CNTN4: variants seen among roughly 807,000 people sequenced by gnomAD.
The protein encoded by CNTN4 is contactin-4.
CNTN4 carries 77 observed loss-of-function variants against 122.5 expected under a neutral mutation model. That is an observed-to-expected ratio of 0.63 (90% CI 0.52 to 0.76). CNTN4 has a LOEUF of 0.76. Ranked by LOEUF, CNTN4 falls within the 30% of genes least tolerant of loss-of-function variation. The pLI is 0.00. For missense variants in CNTN4, 1,256 were observed against 1,259.1 expected, an observed-to-expected ratio of 1.00 and a Z score of 0.04; for synonymous variants, 512 against 447.0, an observed-to-expected ratio of 1.15 and a Z score of -1.83.
intron 3 of CNTN4, among the ~76,000 whole-genome samples, chr3:2,340,706 T>TAGAG (rs1176854234): frequency 5.0e-4 from 12 of 24,072 alleles, no homozygotes; most frequent in African/African-American, 9.6e-4. Flanking sequence ...TATATATATA[T>TAGAG]ATATAGAGAG....
intron 3 of CNTN4, among the ~76,000 whole-genome samples, chr3:2,557,668 G>T (rs1312385766): frequency 6.6e-6 from 1 of 151,504 alleles, no homozygotes; most frequent in Non-Finnish European, 1.5e-5. Context: ...GGCGGAGCTT[G>T]CAGTGAGCTG....
At chr3:2,864,555 A>G (rs954635607) in intron 7 of CNTN4, among the ~76,000 whole-genome samples, 2 of 151,962 alleles carry the variant, frequency 1.3e-5, no homozygotes, top group Non-Finnish European at 2.9e-5. Flanking sequence ...CCTGGCCAAC[A>G]TGGTGAAACC....
chr3:2,324,205 AGGGTGT>A (rs1490504903), intron 2 of CNTN4, among the ~76,000 whole-genome samples: 5 of 152,142 alleles, frequency 3.3e-5, no homozygotes, highest in Admixed American at 6.6e-5. Flanking sequence ...TCCCAGGGGC[AGGGTGT>A]TGGGCTAATT....
intron 2 of CNTN4, among the ~76,000 whole-genome samples, chr3:2,253,028 G>T (rs1179168993): frequency 6.6e-6 from 1 of 152,002 alleles, no homozygotes; most frequent in African/African-American, 2.4e-5. Context: ...TGAAGTAGTT[G>T]TTTGATTAGT....
chr3:2,407,303 A>G (rs1410683592), intron 3 of CNTN4, among the ~76,000 whole-genome samples: 1 of 152,208 alleles, frequency 6.6e-6, no homozygotes, highest in African/African-American at 2.4e-5. Context: ...CAGTTGTCAA[A>G]TACCTTCTGA....
chr3:2,762,282 G>T (rs1036618033), intron 6 of CNTN4, among the ~76,000 whole-genome samples: 1 of 152,100 alleles, frequency 6.6e-6, no homozygotes, highest in Admixed American at 6.5e-5. Flanking sequence ...GTGTCATGAG[G>T]GTTTGTTGTA....
At chr3:2,552,362 A>G (rs984918485) in intron 3 of CNTN4, among the ~76,000 whole-genome samples, 2 of 152,222 alleles carry the variant, frequency 1.3e-5, no homozygotes, top group Non-Finnish European at 2.9e-5. Context: ...AAAAGGTAAA[A>G]GAATAAATTC....
At chr3:2,721,625 T>G (rs1278510648) in intron 4 of CNTN4, among the ~76,000 whole-genome samples, 2 of 152,160 alleles carry the variant, frequency 1.3e-5, no homozygotes, top group Non-Finnish European at 2.9e-5. Context: ...ATTTGTTTGT[T>G]GCAAACACAC....
intron 6 of CNTN4, among the ~76,000 whole-genome samples, chr3:2,779,608 A>G (rs1255664676): frequency 6.6e-6 from 1 of 152,252 alleles, no homozygotes; most frequent in Non-Finnish European, 1.5e-5. Flanking sequence ...TGGTAGCTCT[A>G]TCACTTACTA....
chr3:2,781,736 T>G (rs1238565094), intron 6 of CNTN4, among the ~76,000 whole-genome samples: 23 of 140,698 alleles, frequency 1.6e-4, no homozygotes, highest in South Asian at 9.5e-4. Flanking sequence ...TTTTTTTTTT[T>G]TTTTTTGAGA....
intron 3 of CNTN4, among the ~76,000 whole-genome samples, chr3:2,367,447 G>A (rs180713679): frequency 2.2e-3 from 331 of 152,254 alleles, no homozygotes; most frequent in Admixed American, 3.7e-3. Flanking sequence ...TTATAGTTAC[G>A]GTGTACAGTG....
chr3:2,169,604 A>G (rs1319310266), intron 2 of CNTN4, among the ~76,000 whole-genome samples: 1 of 151,828 alleles, frequency 6.6e-6, no homozygotes, highest in Admixed American at 6.6e-5. Context: ...TCACCCTGCT[A>G]GCCAGGATGG....
intron 2 of CNTN4, among the ~76,000 whole-genome samples, chr3:2,228,151 G>A (rs2039355278): frequency 6.6e-6 from 1 of 151,942 alleles, no homozygotes; most frequent in Non-Finnish European, 1.5e-5. Flanking sequence ...AAATAATTAT[G>A]TATTTAATTT....
chr3:2,317,270 G>T (rs1309032035), intron 2 of CNTN4, among the ~76,000 whole-genome samples: 1 of 152,192 alleles, frequency 6.6e-6, no homozygotes, highest in African/African-American at 2.4e-5. Context: ...AGTGGTACTT[G>T]TTTGTGATGG....
At chr3:2,256,153 C>G (rs1231330992) in intron 2 of CNTN4, among the ~76,000 whole-genome samples, 1 of 152,138 alleles carries the variant, frequency 6.6e-6, no homozygotes, top group African/African-American at 2.4e-5. Context: ...TCAGAGAATC[C>G]TATAAACACC....
chr3:2,414,048 A>G (rs1486694123), intron 3 of CNTN4, among the ~76,000 whole-genome samples: 7 of 152,148 alleles, frequency 4.6e-5, no homozygotes, highest in African/African-American at 1.7e-4. Context: ...CCATCACCCC[A>G]TAGACAGTGG....
intron 3 of CNTN4, among the ~76,000 whole-genome samples, chr3:2,420,844 G>A (rs1230876255): frequency 6.6e-6 from 1 of 152,146 alleles, no homozygotes; most frequent in Non-Finnish European, 1.5e-5. Context: ...CTGCTTCTGT[G>A]ATTAACGTTT....
Position 2,171,269 on chromosome 3 carries a change from A to G in CNTN4, c.-145+70630A>G, listed in dbSNP as rs142995999. Among the ~76,000 whole-genome samples the G allele has an allele frequency of 5.3e-3, 806 of 152,296 alleles. 11 individuals carry two copies. The highest frequency in any genetic ancestry group is 0.034 in the Middle Eastern group (10 of 294). On this transcript the variant is annotated intron_variant, in intron 2 of 24. Transcript: ENST00000418658. Reference sequence around the variant, plus strand: ...TGTTAAAATAACTTTAAATAATGATAAGGTGGGTCTACATGTATGGACCTG... The same window carrying G: ...TGTTAAAATAACTTTAAATAATGATGAGGTGGGTCTACATGTATGGACCTG...
intron 12 of CNTN4, among the ~76,000 whole-genome samples, chr3:2,913,021 G>A (rs554752273): frequency 6.6e-6 from 1 of 152,130 alleles, no homozygotes; most frequent in African/African-American, 2.4e-5. Context: ...ATGTGGTGGC[G>A]CATGCCTGTA....
Sources: allele counts gnomAD v4.1 joint callset (sites outside exome capture counted in the v4.1 genomes callset), GRCh38; gene constraint gnomAD v4.1.1; transcripts MANE v1.5; gene names NCBI Gene and HGNC (gene_info 2026-07-23, HGNC 2026-07-21).